CSMD1: variants seen among roughly 807,000 people sequenced by gnomAD.
CSMD1 encodes CUB and Sushi multiple domains 1.
CSMD1 carries 213 observed loss-of-function variants against 417.5 expected under a neutral mutation model. That is an observed-to-expected ratio of 0.51 (90% confidence interval 0.46 to 0.57). The LOEUF (loss-of-function observed/expected upper bound fraction) is 0.57. Among genes scored for constraint, CSMD1 ranks in the 20% least tolerant of loss-of-function variants. The pLI, the probability that CSMD1 is intolerant of heterozygous loss-of-function variation, is 0.00. For synonymous variants in CSMD1, 2,862 were observed against 1,736.8 expected (o/e 1.65, Z -16.11); for missense variants, 6,923 against 4,529.7 (o/e 1.53, Z -15.17).
intron 1 of CSMD1, among the ~76,000 whole-genome samples, chr8:4,756,174 A>G (rs1811656127): frequency 6.6e-6 from 1 of 152,234 alleles, no homozygotes; most frequent in South Asian, 2.1e-4. Context: ...AATTGCACAC[A>G]CATTTCTGGA....
At chr8:3,388,024 C>T (rs938066395) in intron 17 of CSMD1, among the ~76,000 whole-genome samples, 2 of 152,246 alleles carry the variant, frequency 1.3e-5, no homozygotes, top group Admixed American at 6.5e-5. Flanking sequence ...CTATTTTTCA[C>T]CACCACTCTC....
At chr8:4,245,167 C>T (rs1248866644) in intron 3 of CSMD1, among the ~76,000 whole-genome samples, 1 of 152,178 alleles carries the variant, frequency 6.6e-6, no homozygotes, top group Non-Finnish European at 1.5e-5. Context: ...GAATCTCATT[C>T]CCCATCTTAT....
At chr8:4,420,573 T>C (rs1432954119) in intron 2 of CSMD1, among the ~76,000 whole-genome samples, 3 of 152,168 alleles carry the variant, frequency 2.0e-5, no homozygotes, top group Non-Finnish European at 2.9e-5. Flanking sequence ...AGCATGTGAA[T>C]GTGTGTATAA....
At chr8:4,094,779 G>C (rs1394886727) in intron 3 of CSMD1, among the ~76,000 whole-genome samples, 3 of 152,138 alleles carry the variant, frequency 2.0e-5, no homozygotes, top group South Asian at 2.1e-4. Flanking sequence ...CTAACACTGC[G>C]CATGGAGTAC....
intron 9 of CSMD1, among the ~76,000 whole-genome samples, chr8:3,584,520 A>G (rs891425418): frequency 7.0e-6 from 1 of 142,214 alleles, no homozygotes; most frequent in African/African-American, 2.4e-5. Flanking sequence ...GCTGTTTCCT[A>G]AGTGATAAGC....
At chr8:3,514,441 A>G (rs944574303) in intron 10 of CSMD1, among the ~76,000 whole-genome samples, 8 of 152,168 alleles carry the variant, frequency 5.3e-5, no homozygotes, top group African/African-American at 1.9e-4. Flanking sequence ...TGTTATCCCC[A>G]TCTGCTCACG....
intron 3 of CSMD1, among the ~76,000 whole-genome samples, chr8:4,283,776 A>T (rs1358699429): frequency 5.0e-5 from 3 of 59,562 alleles, no homozygotes; most frequent in African/African-American, 1.3e-4. Context: ...GACATGAACC[A>T]AAAGGAGAAT....
intron 3 of CSMD1, among the ~76,000 whole-genome samples, chr8:4,147,945 G>A (rs373132063): frequency 1.6e-4 from 25 of 152,064 alleles, no homozygotes; most frequent in African/African-American, 6.0e-4. Flanking sequence ...GGTGCACCAG[G>A]TAGAAACCCA....
At chr8:4,487,560 T>A (rs1350951138) in intron 2 of CSMD1, among the ~76,000 whole-genome samples, 3 of 152,214 alleles carry the variant, frequency 2.0e-5, no homozygotes, top group Non-Finnish European at 4.4e-5. Flanking sequence ...TAATCCAGTC[T>A]ATCATTGTTG....
chr8:3,469,620 A>T (rs890938153), intron 11 of CSMD1, among the ~76,000 whole-genome samples: 7 of 152,226 alleles, frequency 4.6e-5, no homozygotes, highest in African/African-American at 1.7e-4. Flanking sequence ...AATCAATTCA[A>T]CCAAAACAAA....
chr8:4,023,015 G>A (rs965956004), intron 4 of CSMD1, among the ~76,000 whole-genome samples: 1 of 152,182 alleles, frequency 6.6e-6, no homozygotes, highest in Non-Finnish European at 1.5e-5. Context: ...CCAAATCCGT[G>A]TTTTTCTTCT....
Position 4,731,263 on chromosome 8 carries a change from T to C in CSMD1, c.86-93705A>G, listed in dbSNP as rs139990054. ...ACAAGATGCCCACCTCAACCTGCTT[T>C]TGTCTTGGTTAGAGGCCACCTTCCT... is the stretch of plus-strand genomic sequence containing the variant. On this transcript the variant is annotated intron_variant, in intron 1 of 69. Transcript: ENST00000635120. 2.1e-3 allele frequency among the ~76,000 whole-genome samples: 327 copies of C among 152,256 alleles called. 3 individuals are homozygous for C. The highest frequency in any genetic ancestry group is 7.3e-3 in the African/African-American group (305 of 41,556).
At chr8:4,412,932 G>A (rs1049489969) in intron 3 of CSMD1, among the ~76,000 whole-genome samples, 11 of 151,720 alleles carry the variant, frequency 7.3e-5, no homozygotes, top group East Asian at 1.9e-4. Flanking sequence ...AAAAGTTGAC[G>A]CCTCAGGTTA....
intron 1 of CSMD1, among the ~76,000 whole-genome samples, chr8:4,908,461 T>A (rs1465502314): frequency 6.6e-6 from 1 of 152,212 alleles, no homozygotes; most frequent in African/African-American, 2.4e-5. Flanking sequence ...CTCCTTTTCT[T>A]CTTTTAGTAT....
chr8:4,136,144 T>C (rs963766994), intron 3 of CSMD1, among the ~76,000 whole-genome samples: 2 of 152,212 alleles, frequency 1.3e-5, no homozygotes, highest in Non-Finnish European at 2.9e-5. Context: ...AGAACTGCTA[T>C]AACTATACTG....
chr8:3,819,260 T>G (rs566284906), intron 5 of CSMD1, among the ~76,000 whole-genome samples: 2 of 152,092 alleles, frequency 1.3e-5, no homozygotes, highest in Non-Finnish European at 2.9e-5. Flanking sequence ...GCTTCATACC[T>G]TTCAGTTATA....
At chr8:3,013,122 C>G (rs1585148692) in intron 52 of CSMD1, among the ~76,000 whole-genome samples, 2 of 152,200 alleles carry the variant, frequency 1.3e-5, no homozygotes, top group South Asian at 2.1e-4. Flanking sequence ...TCAGGTATGT[C>G]TTTCTTAGCA....
intron 25 of CSMD1, among the ~76,000 whole-genome samples, chr8:3,292,813 T>C (rs942758880): frequency 6.6e-6 from 1 of 152,176 alleles, no homozygotes; most frequent in Non-Finnish European, 1.5e-5. Flanking sequence ...ATTGGAGCAT[T>C]TAGCCCATTT....
chr8:3,498,429 G>A lies in CSMD1; in HGVS notation c.1345-4703C>T, dbSNP rs545223239. 3.9e-3 allele frequency among the ~76,000 whole-genome samples: 591 copies of A among 152,208 alleles called. 3 individuals carry two copies. The highest frequency in any genetic ancestry group is 0.012 in the African/African-American group (479 of 41,550). The stretch of plus-strand genomic sequence containing the variant: ...AAATTACAAAATCACCAGGAGAGAA[G>A]GAAGAATTGTCTTTGACTTTTGATA... On this transcript the variant is annotated intron_variant, in intron 10 of 69. Transcript: ENST00000635120.
Sources: gnomAD v4.1 joint callset for allele counts (sites outside exome capture counted in the v4.1 genomes callset) on GRCh38, gnomAD v4.1.1 for gene constraint, MANE v1.5 for transcripts, NCBI Gene and HGNC (gene_info 2026-07-23, HGNC 2026-07-21) for gene names.